The following NUFIP2 variants were observed in gnomAD, a reference collection of about 807,000 sequenced individuals.
The protein encoded by NUFIP2 is nuclear FMR1 interacting protein 2.
A neutral mutation model predicts 56.9 loss-of-function variants in NUFIP2; 6 were observed. That is an observed-to-expected ratio of 0.11 (90% confidence interval 0.06 to 0.21). The LOEUF is 0.21. Among genes scored for constraint, NUFIP2 ranks in the 10% least tolerant of loss-of-function variants. The pLI, the probability that NUFIP2 is intolerant of heterozygous loss-of-function variation, is 1.00. For missense variants in NUFIP2, 828 were observed against 826.8 expected (o/e 1.00, Z -0.02); for synonymous variants, 321 against 298.2 (o/e 1.08, Z -0.79).
chr17:29,274,658 A>T (rs2069096531), intron 2 of NUFIP2, among the ~76,000 whole-genome samples: 1 of 152,192 alleles, frequency 6.6e-6, no homozygotes, highest in Non-Finnish European at 1.5e-5. Flanking sequence ...GGGACAGAGT[A>T]AAAAGCTACA....
At chr17:29,281,801 G>C (rs1409953944) in intron 2 of NUFIP2, among the ~76,000 whole-genome samples, 2 of 140,198 alleles carry the variant, frequency 1.4e-5, no homozygotes. Flanking sequence ...GCCTTGCTCT[G>C]TCGTCCAGGC....
intron 2 of NUFIP2, among the ~76,000 whole-genome samples, chr17:29,276,436 G>A (rs562875127): frequency 3.3e-5 from 5 of 152,126 alleles, no homozygotes; most frequent in African/African-American, 9.6e-5. Context: ...AGGTTCAAGC[G>A]ATTCTCCTGC....
At chr17:29,283,823 A>C (rs2069154468) in intron 2 of NUFIP2, among the ~76,000 whole-genome samples, 1 of 152,240 alleles carries the variant, frequency 6.6e-6, no homozygotes, top group Non-Finnish European at 1.5e-5. Flanking sequence ...TGCTAAAAAC[A>C]ACCAACTCCT....
chr17:29,276,557 C>T (rs144179276), intron 2 of NUFIP2, among the ~76,000 whole-genome samples: 1,593 of 152,234 alleles, frequency 0.01, 13 homozygotes, highest in Middle Eastern at 0.037. Context: ...AGGGTGGTCT[C>T]TAACTCCTGA....
chr17:29,286,218 G>C lies in NUFIP2; in HGVS notation c.1776C>G (p.Ser592=). ...GGTCACCTATATGACTGGGTTCCAAGGATAAGGCTCCACTCTCACTAGTAG... is the reference window on the plus strand; with the variant it reads ...GGTCACCTATATGACTGGGTTCCAACGATAAGGCTCCACTCTCACTAGTAG... ...SGTTSESGAL[S]LEPSHIGDLQ... Residue 592 remains serine (S), a synonymous_variant, in exon 2 of 4, where the codon TCC becomes TCG. Coordinates refer to ENST00000225388, the MANE Select transcript of NUFIP2 (RefSeq NM_020772.3). The C allele has an allele frequency of 6.2e-7, 1 of 1,614,082 alleles. No individual in the cohort carries two copies. The highest frequency in any genetic ancestry group is 1.7e-5 in the Admixed American group (1 of 60,010).
At chr17:29,267,569 T>C (rs748313864) in intron 2 of NUFIP2, 39 bp from the exon 3 acceptor site, 1 of 1,312,154 alleles carries the variant, frequency 7.6e-7, no homozygotes, top group South Asian at 1.2e-5. Context: ...TAAGTTTTGG[T>C]GAGCAAAGTC....
intron 2 of NUFIP2, among the ~76,000 whole-genome samples, chr17:29,274,882 A>G (rs1319350760): frequency 1.3e-5 from 2 of 152,218 alleles, no homozygotes; most frequent in East Asian, 1.9e-4. Flanking sequence ...GAAATGGTCC[A>G]TATCATCTAA....
At chr17:29,275,898 C>G (rs1300637715) in intron 2 of NUFIP2, among the ~76,000 whole-genome samples, 1 of 151,704 alleles carries the variant, frequency 6.6e-6, no homozygotes, top group African/African-American at 2.4e-5. Flanking sequence ...AGTGGTGGTG[C>G]GTGCCTGTAA....
chr17:29,258,111 T>C lies in NUFIP2; in HGVS notation c.*6428A>G, dbSNP rs1334081458. On this transcript the variant is annotated 3_prime_UTR_variant, in exon 4 of 4. Coordinates refer to ENST00000225388, the MANE Select transcript of NUFIP2 (RefSeq NM_020772.3). ...CATGCAAGGCACATTGATATAAAAA[T>C]AGATCTCTGGCCAACAAATATATTA... The C allele has an allele frequency of 2.6e-5, 4 of 152,198 alleles. No homozygotes were observed. The highest frequency in any genetic ancestry group is 3.4e-3 in the Middle Eastern group (1 of 292). The allele number at this position is 152,198 out of a possible 1,614,324, so 9.4% of individuals were successfully genotyped here.
chr17:29,278,487 C>G (rs2069121628), intron 2 of NUFIP2, among the ~76,000 whole-genome samples: 2 of 152,084 alleles, frequency 1.3e-5, no homozygotes, highest in African/African-American at 4.8e-5. Flanking sequence ...ACCTCGTGAT[C>G]TGCCCGCCTC....
rs763549861 is a variant in NUFIP2 at position 29,264,566 on chromosome 17, A to G, written c.2061T>C (p.Asn687=). ...ATTGATCTGGACTATCCATGGCTTC[A>G]TTGTAAGTGATTATCCTTTTGGGAT... ...KQDPKRIITY[N]EAMDSPDQ Residue 687 remains asparagine, a synonymous_variant, in exon 4 of 4, where the codon AAT becomes AAC. Transcript: ENST00000225388. 2.5e-6 allele frequency: 4 copies of G among 1,606,428 alleles called. No homozygotes were observed. In the South Asian group the frequency reaches 3.3e-5, roughly 13 times the overall value.
At chr17:29,276,959 G>A (rs1047475203) in intron 2 of NUFIP2, among the ~76,000 whole-genome samples, 4 of 152,176 alleles carry the variant, frequency 2.6e-5, no homozygotes, top group African/African-American at 9.6e-5. Flanking sequence ...GAAGCTAAAA[G>A]GGCTAAAGCT....
chr17:29,288,506 T>C (rs1177291604), intron 1 of NUFIP2, among the ~76,000 whole-genome samples: 2 of 152,250 alleles, frequency 1.3e-5, no homozygotes, highest in African/African-American at 4.8e-5. Flanking sequence ...CAGACAAATA[T>C]CTAACACTTG....
Position 29,261,393 on chromosome 17 carries a change from C to T in NUFIP2, c.*3146G>A, listed in dbSNP as rs2069001576. 1 of 145,012 alleles carries T rather than the reference C, an allele frequency of 6.9e-6. No individual in the cohort carries two copies. The highest frequency in any genetic ancestry group is 2.7e-5 in the African/African-American group (1 of 37,116). The allele number at this position is 145,012 out of a possible 1,614,324, so 9.0% of individuals were successfully genotyped here. On this transcript the variant is annotated 3_prime_UTR_variant, in exon 4 of 4. Transcript: ENST00000225388. ...TTAATATCTCCATCTTTTCCTCACA[C>T]ACACATACATACATACATAAACACA...
chr17:29,286,953 A>G lies in NUFIP2; in HGVS notation c.1041T>C (p.Asn347=), dbSNP rs202183211. 5 of 1,614,092 alleles carry G rather than the reference A, an allele frequency of 3.1e-6. No homozygotes were observed. The highest frequency in any genetic ancestry group is 2.2e-5 in the South Asian group (2 of 91,080). ...FKPPPVFPVD[N]SSAKIVPKIS... is the part of the protein sequence containing the mutation. ...TTTTAGGAACTATTTTAGCACTGCT[A>G]TTGTCCACTGGAAAAACTGGGGGTG... The change falls in exon 2 of 4, where the codon AAT becomes AAC. Residue 347 remains asparagine (N), a synonymous_variant. Transcript: ENST00000225388.
At chr17:29,278,602 ATAGTAATAG>A (rs2069122430) in intron 2 of NUFIP2, among the ~76,000 whole-genome samples, 1 of 20,476 alleles carries the variant, frequency 4.9e-5, no homozygotes, top group African/African-American at 3.3e-4. Context: ...TACTACTATG[ATAGTAATAG>A]CTTGGAATGA....
chr17:29,290,611 T>C (rs906980348), intron 1 of NUFIP2, among the ~76,000 whole-genome samples: 3 of 149,134 alleles, frequency 2.0e-5, no homozygotes, highest in African/African-American at 7.5e-5. Flanking sequence ...ATCATGCCAC[T>C]GCACTGCACT....
At chr17:29,274,096 A>G (rs1298265574) in intron 2 of NUFIP2, among the ~76,000 whole-genome samples, 2 of 152,240 alleles carry the variant, frequency 1.3e-5, no homozygotes, top group Non-Finnish European at 2.9e-5. Context: ...GAGCATCAGC[A>G]ATGAACAAAG....
intron 1 of NUFIP2, among the ~76,000 whole-genome samples, chr17:29,291,837 GT>G (rs1292295294): frequency 6.6e-6 from 1 of 152,156 alleles, no homozygotes; most frequent in East Asian, 1.9e-4. Context: ...GTGCGTATGT[GT>G]TCACTTCTAT....
Sources: allele counts gnomAD v4.1 joint callset (sites outside exome capture counted in the v4.1 genomes callset), GRCh38; gene constraint gnomAD v4.1.1; transcripts MANE v1.5; gene names NCBI Gene and HGNC (gene_info 2026-07-23, HGNC 2026-07-21).